Variants in NLGN1 observed in about 807,000 individuals in gnomAD.
NLGN1 encodes the protein neuroligin-1.
Under a neutral mutation model 65.5 loss-of-function variants are expected in NLGN1, and 12 were observed. That is an observed-to-expected ratio of 0.18 (90% CI 0.12 to 0.30). The LOEUF is 0.30. Ranked by LOEUF, NLGN1 falls within the 10% of genes least tolerant of loss-of-function variation. The pLI is 1.00. For synonymous variants in NLGN1, 350 were observed against 359.5 expected, an observed-to-expected ratio of 0.97 and a Z score of 0.30; for missense variants, 750 against 1,007.1, an observed-to-expected ratio of 0.74 and a Z score of 3.46.
chr3:173,449,717 A>G (rs968536724), intron 2 of NLGN1, among the ~76,000 whole-genome samples: 2 of 152,260 alleles, frequency 1.3e-5, no homozygotes. Flanking sequence ...GCAGGTCACT[A>G]AGGACTTGCT....
chr3:174,101,664 G>T (rs780402920), intron 4 of NLGN1, among the ~76,000 whole-genome samples: 5 of 152,142 alleles, frequency 3.3e-5, no homozygotes, highest in Non-Finnish European at 5.9e-5. Flanking sequence ...AGTCAAAAAC[G>T]TGTCTTTGTC....
chr3:174,246,345 T>C (rs1057157375), intron 4 of NLGN1, among the ~76,000 whole-genome samples: 1 of 152,232 alleles, frequency 6.6e-6, no homozygotes, highest in African/African-American at 2.4e-5. Context: ...CAGCTTTCTA[T>C]ACACATGCAA....
At chr3:174,065,927 A>G (rs548465758) in intron 4 of NLGN1, among the ~76,000 whole-genome samples, 1 of 152,240 alleles carries the variant, frequency 6.6e-6, no homozygotes, top group East Asian at 1.9e-4. Context: ...TCTTGCCAAC[A>G]ATCACATGAG....
At chr3:174,266,042 A>G (rs1223353090) in intron 4 of NLGN1, among the ~76,000 whole-genome samples, 3 of 124,982 alleles carry the variant, frequency 2.4e-5, no homozygotes, top group Admixed American at 1.6e-4. Context: ...GTATATATAT[A>G]TATATTTTTT....
chr3:174,143,465 T>C (rs1722658268), intron 4 of NLGN1, among the ~76,000 whole-genome samples: 1 of 152,204 alleles, frequency 6.6e-6, no homozygotes, highest in Non-Finnish European at 1.5e-5. Flanking sequence ...TCCCTCAAGA[T>C]GTCGCCTTTC....
intron 4 of NLGN1, among the ~76,000 whole-genome samples, chr3:174,017,658 T>C (rs752740245): frequency 5.9e-5 from 9 of 152,078 alleles, no homozygotes; most frequent in African/African-American, 9.7e-5. Context: ...AGACATCACA[T>C]GTTGGCAGGT....
chr3:173,421,976 T>A (rs1197905054), intron 1 of NLGN1, among the ~76,000 whole-genome samples: 2 of 152,294 alleles, frequency 1.3e-5, no homozygotes, highest in African/African-American at 4.8e-5. Flanking sequence ...AATATTTTGA[T>A]ACATATATAC....
At chr3:173,848,252 A>G (rs967523638) in intron 4 of NLGN1, among the ~76,000 whole-genome samples, 8 of 152,208 alleles carry the variant, frequency 5.3e-5, no homozygotes, top group African/African-American at 1.2e-4. Context: ...CATGAACTCA[A>G]TAGTAGCCAT....
chr3:173,695,246 A>G (rs1766037596), intron 3 of NLGN1, among the ~76,000 whole-genome samples: 1 of 152,242 alleles, frequency 6.6e-6, no homozygotes, highest in Non-Finnish European at 1.5e-5. Flanking sequence ...ATGATTCTGT[A>G]CTGTTAAATA....
At chr3:173,615,805 A>G (rs1231757960) in intron 3 of NLGN1, among the ~76,000 whole-genome samples, 1 of 150,494 alleles carries the variant, frequency 6.6e-6, no homozygotes, top group African/African-American at 2.5e-5. Context: ...AAGCTGGGGA[A>G]TGCTTTGGCT....
At chr3:174,188,672 C>G (rs1731843701) in intron 4 of NLGN1, among the ~76,000 whole-genome samples, 2 of 152,018 alleles carry the variant, frequency 1.3e-5, no homozygotes, top group Non-Finnish European at 2.9e-5. Flanking sequence ...ATAATGACAA[C>G]AGAGACTATT....
intron 4 of NLGN1, among the ~76,000 whole-genome samples, chr3:173,894,105 A>G (rs114726104): frequency 0.01 from 1,581 of 152,114 alleles, 34 homozygotes; most frequent in African/African-American, 0.036. Flanking sequence ...CTTTTATACA[A>G]CTTGGGCTTG....
At chr3:174,118,256 G>A (rs2152637360) in intron 4 of NLGN1, among the ~76,000 whole-genome samples, 1 of 152,158 alleles carries the variant, frequency 6.6e-6, no homozygotes, top group East Asian at 1.9e-4. Context: ...TTATTTGTAT[G>A]TATTTCACCT....
Position 174,280,546 on chromosome 3 carries a change from A to T in NLGN1, c.1715A>T (p.Glu572Val), listed in dbSNP as rs1431828243. 1.2e-6 allele frequency: 2 copies of T among 1,613,158 alleles called. No homozygotes were observed. The highest frequency in any genetic ancestry group is 1.1e-5 in the South Asian group (1 of 91,060). The stretch of plus-strand genomic sequence containing the variant: ...CATACCAAACCCAACCGTTTTGAAG[A>T]AGTAGCATGGACCAGATATTCCCAG... The change falls in exon 7 of 7, where the codon GAA becomes GTA. Residue 572 changes from glutamate (E) to valine (V), a missense_variant. Coordinates refer to ENST00000457714, the Ensembl canonical transcript of NLGN1. This position sits in a 1 kb window ranked among gnomAD's most constrained non-coding sequence, Gnocchi z 4.9.
Position 173,918,660 on chromosome 3 carries a change from A to ATGTGTG in NLGN1, c.646+110866_646+110871dup, listed in dbSNP as rs71162369. ...AAAAAAAAAAAAAAAAGAAATACATATGTGTGTGTGTGTGTGTGTGTGTGT... is the reference window on the plus strand; with the variant it reads ...AAAAAAAAAAAAAAAAGAAATACATATGTGTGTGTGTGTGTGTGTGTGTGTGTGTGT... On this transcript the variant is annotated intron_variant, in intron 4 of 6. Transcript: ENST00000457714. Among the ~76,000 whole-genome samples the ATGTGTG allele has an allele frequency of 3.6e-4, 40 of 111,810 alleles. No homozygotes were observed. In the East Asian group the frequency reaches 4.0e-3, roughly 11 times the overall value. 73.4% of individuals were successfully genotyped at this position (111,810 alleles called of 152,430 possible). A position where few individuals can be genotyped will look rare whatever the true frequency, so the allele number is the denominator to read the frequency against.
intron 4 of NLGN1, among the ~76,000 whole-genome samples, chr3:173,968,650 C>G (rs150851782): frequency 6.7e-6 from 1 of 149,566 alleles, no homozygotes; most frequent in Non-Finnish European, 1.5e-5. Flanking sequence ...TTTGATGTGT[C>G]CACCTTCTCT....
intron 4 of NLGN1, among the ~76,000 whole-genome samples, chr3:174,007,859 A>G (rs1421629767): frequency 6.6e-6 from 1 of 152,130 alleles, no homozygotes; most frequent in Non-Finnish European, 1.5e-5. Flanking sequence ...GCTTGCACAA[A>G]CATGATGAGG....
intron 1 of NLGN1, among the ~76,000 whole-genome samples, chr3:173,414,020 G>A (rs1713158790): frequency 6.6e-6 from 1 of 152,182 alleles, no homozygotes; most frequent in Non-Finnish European, 1.5e-5. Context: ...GCACACAGAA[G>A]ATCCTGGGTT....
chr3:174,220,031 A>C (rs1738346263), intron 4 of NLGN1, among the ~76,000 whole-genome samples: 1 of 152,120 alleles, frequency 6.6e-6, no homozygotes, highest in Admixed American at 6.5e-5. Context: ...GCAGGGAGGC[A>C]ATGTAAGGCT....
Sources: gnomAD v4.1 joint callset for allele counts (sites outside exome capture counted in the v4.1 genomes callset) on GRCh38, gnomAD v4.1.1 for gene constraint, Gnocchi (gnomAD v3.1) non-coding constraint, MANE v1.5 for transcripts, NCBI Gene and HGNC (gene_info 2026-07-23, HGNC 2026-07-21) for gene names.